AGBL4: variants seen among roughly 807,000 people sequenced by gnomAD.
AGBL4 encodes AGBL carboxypeptidase 4.
Under a neutral mutation model 66.4 loss-of-function variants are expected in AGBL4, and 58 were observed. The ratio of observed to expected loss-of-function variants is 0.87; its 90% confidence interval spans 0.71 to 1.09. The LOEUF is 1.09. AGBL4 is among the 50% of genes least tolerant of loss of function. AGBL4 has a pLI of 0.00. For missense variants in AGBL4, 579 were observed against 631.0 expected, an observed-to-expected ratio of 0.92 and a Z score of 0.88; for synonymous variants, 234 against 222.9, an observed-to-expected ratio of 1.05 and a Z score of -0.44.
At chr1:49,468,192 A>T (rs1646668686) in intron 3 of AGBL4, among the ~76,000 whole-genome samples, 1 of 151,874 alleles carries the variant, frequency 6.6e-6, no homozygotes, top group Non-Finnish European at 1.5e-5. Context: ...ATTTTGGTAC[A>T]CATAAGGTCC....
chr1:48,650,561 A>T (rs1249235352), intron 8 of AGBL4, among the ~76,000 whole-genome samples: 1 of 150,984 alleles, frequency 6.6e-6, no homozygotes, highest in African/African-American at 2.4e-5. Context: ...TCCTGTACTC[A>T]AGCTAGATTT....
At chr1:49,363,102 G>A (rs183531202) in intron 3 of AGBL4, among the ~76,000 whole-genome samples, 1,649 of 151,998 alleles carry the variant, frequency 0.011, 11 homozygotes, top group Non-Finnish European at 0.017. Flanking sequence ...CCATGAGAGT[G>A]GGAAAAGAAT....
At chr1:48,531,829 G>A (rs1643908238), downstream of AGBL4, among the ~76,000 whole-genome samples, 1 of 152,098 alleles carries the variant, frequency 6.6e-6, no homozygotes, top group African/African-American at 2.4e-5. Context: ...AGGCTGGAGT[G>A]CGGTGGCATG....
At chr1:49,453,159 ACTT>A (rs956995394) in intron 3 of AGBL4, among the ~76,000 whole-genome samples, 2 of 151,874 alleles carry the variant, frequency 1.3e-5, no homozygotes, top group South Asian at 4.1e-4. Context: ...ACTAAACAAA[ACTT>A]CTTCTTCTTC....
intron 6 of AGBL4, among the ~76,000 whole-genome samples, chr1:48,749,990 T>C (rs572670720): frequency 1.2e-4 from 18 of 152,304 alleles, no homozygotes; most frequent in Admixed American, 7.8e-4. Context: ...GGGACCACTG[T>C]GGGCACAGTG....
intron 3 of AGBL4, among the ~76,000 whole-genome samples, chr1:49,686,906 T>C (rs185312000): frequency 3.5e-4 from 53 of 152,302 alleles, no homozygotes; most frequent in Admixed American, 2.4e-3. Context: ...ACTCCAAAGC[T>C]TGAGCTTAAT....
In AGBL4 at chr1:49,519,178, C is replaced by T. The variant is rs149344793; in HGVS notation, c.282+178135G>A. Among the ~76,000 whole-genome samples the T allele has an allele frequency of 1.3e-3, 191 of 152,096 alleles. 3 individuals carry two copies. The Middle Eastern group carries it at 0.017, about 14-fold the overall frequency. ...TAGAATTTGTCATCAGAATACCAAA[C>T]CTGACTTATGGCTATACCATTTGAT... On this transcript the variant is annotated intron_variant, in intron 3 of 13. Transcript: ENST00000371839.
intron 3 of AGBL4, among the ~76,000 whole-genome samples, chr1:49,674,182 A>G (rs890146401): frequency 3.9e-5 from 6 of 152,082 alleles, no homozygotes; most frequent in Admixed American, 2.0e-4. Flanking sequence ...TTAGAACTCT[A>G]TTTGAAATCT....
At chr1:49,473,891 C>A (rs924008669) in intron 3 of AGBL4, among the ~76,000 whole-genome samples, 1 of 152,062 alleles carries the variant, frequency 6.6e-6, no homozygotes, top group Non-Finnish European at 1.5e-5. Flanking sequence ...ATAGGGTATC[C>A]TTTCCCAGTT....
intron 3 of AGBL4, among the ~76,000 whole-genome samples, chr1:49,318,963 A>C (rs1645086175): frequency 6.6e-6 from 1 of 152,178 alleles, no homozygotes; most frequent in African/African-American, 2.4e-5. Context: ...TAATAAAAGG[A>C]GAGTTGAGTT....
intron 3 of AGBL4, among the ~76,000 whole-genome samples, chr1:49,518,699 T>C (rs1230185497): frequency 1.3e-5 from 2 of 152,114 alleles, no homozygotes; most frequent in Non-Finnish European, 2.9e-5. Context: ...AGCACCTTGA[T>C]ACTATAAAGG....
At chr1:49,096,176 A>G (rs1236467903) in intron 4 of AGBL4, among the ~76,000 whole-genome samples, 6 of 151,914 alleles carry the variant, frequency 3.9e-5, no homozygotes, top group African/African-American at 1.5e-4. Flanking sequence ...GATCATTAAA[A>G]AGTCAGGAAA....
At position 48,564,435 on chromosome 1, in the gene AGBL4, A is replaced by T. The variant is rs145117272; in HGVS notation, c.1267+22569T>A. 5.6e-3 allele frequency among the ~76,000 whole-genome samples: 848 copies of T among 151,022 alleles called. 8 individuals are homozygous for T. Among genetic ancestry groups the T allele is most frequent in the Non-Finnish European group, 7.0e-3 (475 of 67,814 alleles). On this transcript the variant is annotated intron_variant, in intron 11 of 13. Transcript: ENST00000371839. Reference sequence around the variant, plus strand: ...ACTGACGGCCCCACCACACTAGATGACATGGGGGCTCCTGGATGCTCCACA... The same window carrying T: ...ACTGACGGCCCCACCACACTAGATGTCATGGGGGCTCCTGGATGCTCCACA...
At chr1:49,290,870 C>A (rs1644520044) in intron 3 of AGBL4, among the ~76,000 whole-genome samples, 2 of 152,116 alleles carry the variant, frequency 1.3e-5, no homozygotes, top group South Asian at 4.1e-4. Context: ...ATTAGCCAAG[C>A]ATAGTAGCAC....
intron 1 of AGBL4, among the ~76,000 whole-genome samples, chr1:50,013,092 C>T (rs772294604): frequency 3.3e-5 from 5 of 152,052 alleles, no homozygotes; most frequent in Non-Finnish European, 7.4e-5. Context: ...GAAACTCTAT[C>T]GAATTAAAGA....
At chr1:49,315,223 C>T (rs1231171502) in intron 3 of AGBL4, among the ~76,000 whole-genome samples, 1 of 152,156 alleles carries the variant, frequency 6.6e-6, no homozygotes, top group Non-Finnish European at 1.5e-5. Context: ...CCCTTCCTTA[C>T]ACCTTATACA....
chr1:49,268,020 A>G (rs1643963581), intron 3 of AGBL4: 1 of 152,174 alleles, frequency 6.6e-6, no homozygotes, highest in South Asian at 2.1e-4. Context: ...AAACCATATC[A>G]GTGTATATTA....
intron 3 of AGBL4, among the ~76,000 whole-genome samples, chr1:49,285,685 G>T (rs1344545685): frequency 6.6e-6 from 1 of 151,850 alleles, no homozygotes; most frequent in Non-Finnish European, 1.5e-5. Context: ...ATGATAAAGG[G>T]GATATCACCA....
intron 3 of AGBL4, among the ~76,000 whole-genome samples, chr1:49,263,062 A>G (rs530964576): frequency 1.2e-4 from 19 of 152,032 alleles, no homozygotes; most frequent in African/African-American, 4.3e-4. Context: ...AGGACAAAAA[A>G]CCAAACACCG....
Sources: allele counts gnomAD v4.1 joint callset (sites outside exome capture counted in the v4.1 genomes callset), GRCh38; gene constraint gnomAD v4.1.1; transcripts MANE v1.5; gene names NCBI Gene and HGNC (gene_info 2026-07-23, HGNC 2026-07-21).